The following SLC14A2 variants were observed in gnomAD, a reference collection of about 807,000 sequenced individuals.
SLC14A2 encodes the protein urea transporter 2.
Under a neutral mutation model 104.6 loss-of-function variants are expected in SLC14A2, and 91 were observed. That is an observed-to-expected ratio of 0.87 (90% confidence interval 0.73 to 1.04). The LOEUF (loss-of-function observed/expected upper bound fraction) is 1.04. SLC14A2 is among the 50% of genes least tolerant of loss of function. The probability of loss-of-function intolerance (pLI) is 0.00; values close to 1 mark genes in which losing one functional copy is unlikely to be tolerated. For synonymous variants in SLC14A2, 476 were observed against 466.4 expected (o/e 1.02, Z -0.27); for missense variants, 1,189 against 1,156.0 (o/e 1.03, Z -0.41).
chr18:45,567,103 T>C (rs916821644), intron 2 of SLC14A2, among the ~76,000 whole-genome samples: 2 of 146,834 alleles, frequency 1.4e-5, no homozygotes, highest in African/African-American at 5.1e-5. Flanking sequence ...TGTGTGTAAC[T>C]CACAAGGAGA....
At chr18:45,520,141 GC>G (rs1289528059) in intron 2 of SLC14A2, among the ~76,000 whole-genome samples, 1 of 152,202 alleles carries the variant, frequency 6.6e-6, no homozygotes, top group Non-Finnish European at 1.5e-5. Flanking sequence ...AGATGCTTTA[GC>G]CATATTCTTG....
chr18:45,271,167 A>G (rs1011403399), intron 1 of SLC14A2, among the ~76,000 whole-genome samples: 2 of 152,184 alleles, frequency 1.3e-5, no homozygotes, highest in Non-Finnish European at 2.9e-5. Flanking sequence ...TGCAGAGCCT[A>G]ACCAAGTTAG....
At chr18:45,632,254 A>C in intron 4 of SLC14A2, 96 bp from the exon 5 acceptor site, 1 of 1,447,266 alleles carries the variant, frequency 6.9e-7, no homozygotes. Context: ...TTATTAAAGG[A>C]ATCATCTAAA....
intron 1 of SLC14A2, among the ~76,000 whole-genome samples, chr18:45,426,273 C>G (rs1171973590): frequency 2.0e-5 from 3 of 152,132 alleles, no homozygotes; most frequent in Non-Finnish European, 4.4e-5. Context: ...CTGAGTGCCA[C>G]TTATTGTCAT....
At chr18:45,292,006 T>C (rs2084874636) in intron 1 of SLC14A2, among the ~76,000 whole-genome samples, 1 of 152,224 alleles carries the variant, frequency 6.6e-6, no homozygotes. Context: ...TTCAGCCATT[T>C]GCTTTGTGCA....
chr18:45,274,005 G>T (rs575259757), intron 1 of SLC14A2, among the ~76,000 whole-genome samples: 1 of 152,198 alleles, frequency 6.6e-6, no homozygotes, highest in South Asian at 2.1e-4. Context: ...ATGAGAATTA[G>T]GTGCAAGAAA....
chr18:45,223,176 A>C (rs1312353015), intron 1 of SLC14A2, among the ~76,000 whole-genome samples: 1 of 152,318 alleles, frequency 6.6e-6, no homozygotes, highest in African/African-American at 2.4e-5. Flanking sequence ...AGAGAGGTTC[A>C]GTGACCCACC....
intron 1 of SLC14A2, among the ~76,000 whole-genome samples, chr18:45,346,296 C>T (rs1038648882): frequency 1.3e-5 from 2 of 152,168 alleles, no homozygotes; most frequent in Non-Finnish European, 2.9e-5. Flanking sequence ...GCTGGGATTA[C>T]AGGCATGCAC....
intron 1 of SLC14A2, among the ~76,000 whole-genome samples, chr18:45,405,675 G>A (rs1257249837): frequency 1.3e-5 from 2 of 152,160 alleles, no homozygotes; most frequent in African/African-American, 4.8e-5. Flanking sequence ...GGCCGAGGCA[G>A]GTGGATCTTT....
At chr18:45,516,168 G>T (rs147318297) in intron 2 of SLC14A2, among the ~76,000 whole-genome samples, 2 of 152,160 alleles carry the variant, frequency 1.3e-5, no homozygotes, top group Non-Finnish European at 2.9e-5. Context: ...TCTCCATGAT[G>T]TATTGAATAT....
intron 2 of SLC14A2, among the ~76,000 whole-genome samples, chr18:45,547,949 C>T (rs573718822): frequency 3.3e-5 from 5 of 152,272 alleles, no homozygotes; most frequent in African/African-American, 7.2e-5. Flanking sequence ...AGGTGGGCAG[C>T]GTCGGCTAGG....
chr18:45,507,434 C>T (rs2043303443), intron 2 of SLC14A2: 2 of 152,300 alleles, frequency 1.3e-5, no homozygotes, highest in African/African-American at 2.4e-5. Context: ...GCCCCATAAC[C>T]AGGGTCTAGC....
intron 1 of SLC14A2, among the ~76,000 whole-genome samples, chr18:45,379,406 G>A (rs1474081393): frequency 6.6e-6 from 1 of 152,156 alleles, no homozygotes; most frequent in Non-Finnish European, 1.5e-5. Flanking sequence ...CATGTCTGAA[G>A]ACAGCTATCA....
intron 2 of SLC14A2, among the ~76,000 whole-genome samples, chr18:45,562,423 T>C (rs2044213396): frequency 6.6e-6 from 1 of 152,208 alleles, no homozygotes; most frequent in Non-Finnish European, 1.5e-5. Flanking sequence ...TTGAAGAAAA[T>C]ACAAGCTTTA....
At chr18:45,563,632 A>G (rs1327038415) in intron 2 of SLC14A2, among the ~76,000 whole-genome samples, 1 of 152,082 alleles carries the variant, frequency 6.6e-6, no homozygotes, top group Non-Finnish European at 1.5e-5. Context: ...ATTTTTCAAT[A>G]TCATTTTTAT....
chr18:45,420,719 C>T (rs778494280), intron 1 of SLC14A2, among the ~76,000 whole-genome samples: 24 of 151,674 alleles, frequency 1.6e-4, no homozygotes, highest in Middle Eastern at 3.4e-3. Flanking sequence ...TCGTTTGGTA[C>T]AGGTGGAATT....
At chr18:45,232,388 C>T (rs1022367201) in intron 1 of SLC14A2, among the ~76,000 whole-genome samples, 6 of 152,192 alleles carry the variant, frequency 3.9e-5, no homozygotes, top group Non-Finnish European at 5.9e-5. Context: ...TCCCCATGAT[C>T]CAGTCTCCTC....
chr18:45,200,577 T>C, the SLC14A2 span, among the ~76,000 whole-genome samples: 1 of 152,190 alleles, frequency 6.6e-6, no homozygotes, highest in Admixed American at 6.6e-5. Flanking sequence ...CATATGCCAT[T>C]TCTACCCTCA....
At chr18:45,576,822 G>C (rs2044424891) in intron 2 of SLC14A2, among the ~76,000 whole-genome samples, 1 of 152,178 alleles carries the variant, frequency 6.6e-6, no homozygotes, top group Admixed American at 6.5e-5. Flanking sequence ...CCAAGGGGAT[G>C]GGCATGGCAC....
Sources: gnomAD v4.1 joint callset for allele counts (sites outside exome capture counted in the v4.1 genomes callset) on GRCh38, gnomAD v4.1.1 for gene constraint, MANE v1.5 for transcripts, NCBI Gene and HGNC (gene_info 2026-07-23, HGNC 2026-07-21) for gene names.